HNRNPLL: variants seen among roughly 807,000 people sequenced by gnomAD.
The protein encoded by HNRNPLL is heterogeneous nuclear ribonucleoprotein L like, also known as heterogeneous nuclear ribonucleoprotein L-like.
A neutral mutation model predicts 67.1 loss-of-function variants in HNRNPLL; 25 were observed. The ratio of observed to expected loss-of-function variants is 0.37; its 90% CI spans 0.27 to 0.52. The LOEUF (loss-of-function observed/expected upper bound fraction) is 0.52, where lower values mean the gene tolerates loss of function less well. Ranked by LOEUF, HNRNPLL falls within the 20% of genes least tolerant of loss-of-function variation. The probability of loss-of-function intolerance (pLI) is 0.90; values close to 1 mark genes in which losing one functional copy is unlikely to be tolerated. For missense variants in HNRNPLL, 542 were observed against 673.9 expected, an observed-to-expected ratio of 0.80 and a Z score of 2.17; for synonymous variants, 267 against 241.7, an observed-to-expected ratio of 1.10 and a Z score of -0.97.
chr2:38,577,338 G>T, intron 7 of HNRNPLL, 123 bp downstream of exon 7: 1 of 664,696 alleles, frequency 1.5e-6, no homozygotes, highest in East Asian at 2.7e-5. Flanking sequence ...ACAAGGGACT[G>T]ATCCCATATA....
chr2:38,570,254 G>A (rs1235995724), intron 8 of HNRNPLL, among the ~76,000 whole-genome samples: 1 of 152,138 alleles, frequency 6.6e-6, no homozygotes, highest in Non-Finnish European at 1.5e-5. Flanking sequence ...GGCAGGACTC[G>A]TTAATATTTA....
chr2:38,591,437 T>C, intron 2 of HNRNPLL, 93 bp downstream of exon 2: 1 of 760,240 alleles, frequency 1.3e-6, no homozygotes, highest in Non-Finnish European at 2.4e-6. Flanking sequence ...ATACAAACAA[T>C]ATTTACTATG....
chr2:38,577,518 G>A lies in HNRNPLL; in HGVS notation c.817C>T (p.Arg273Cys), dbSNP rs769538008. The change falls in exon 7 of 13, where the codon CGC becomes TGC. Residue 273 changes from arginine (R) to cysteine (C), a missense_variant. By Grantham distance (180) the Arg-to-Cys change is radical (BLOSUM62 -3). Coordinates refer to ENST00000449105, the MANE Select transcript of HNRNPLL (RefSeq NM_138394.4). ...TCTCCCAAAATGGCTTGTCTCTGGC[G>A]ACCCTTTCCTCTATCTGACACAAAA... ...YLGRRDRGKGRQRQAILGEHP... is the reference protein window; with the variant it reads ...YLGRRDRGKGCQRQAILGEHP... 4 of 1,607,532 alleles carry A rather than the reference G, an allele frequency of 2.5e-6. No homozygotes were observed. The highest frequency in any genetic ancestry group is 2.2e-5 in the East Asian group (1 of 44,810).
chr2:38,568,021 A>G (rs1665938534), intron 12 of HNRNPLL, 178 bp downstream of exon 12: 2 of 514,608 alleles, frequency 3.9e-6, no homozygotes, highest in Non-Finnish European at 3.4e-6. Context: ...GCTAAATTTT[A>G]TGGCAATTTG....
chr2:38,598,038 T>A lies in HNRNPLL; in HGVS notation c.189+4400A>T, dbSNP rs570539704. 2.0e-5 allele frequency among the ~76,000 whole-genome samples: 3 copies of A among 151,924 alleles called. No individual in the cohort carries two copies. The South Asian group carries it at 6.2e-4, about 32-fold the overall frequency. ...ACTTTTTTTTTTTTTGCTCATGTAA[T>A]AGAAATCATTTGGTTTTGCCTACCC... On this transcript the variant is annotated intron_variant, in intron 1 of 12. Transcript: ENST00000449105.
At chr2:38,586,385 T>C (rs1195543529) in intron 2 of HNRNPLL, among the ~76,000 whole-genome samples, 1 of 152,194 alleles carries the variant, frequency 6.6e-6, no homozygotes, top group Non-Finnish European at 1.5e-5. Context: ...CTCCCAGTGA[T>C]AAGTTTATCT....
chr2:38,585,144 A>C (rs1666677209), intron 3 of HNRNPLL, among the ~76,000 whole-genome samples: 2 of 152,304 alleles, frequency 1.3e-5, no homozygotes, highest in South Asian at 4.1e-4. Context: ...CTAGTTCTGG[A>C]AACAAATCCT....
rs949961217 is a variant in HNRNPLL at position 38,588,393 on chromosome 2, T to C, written c.309-2512A>G. On this transcript the variant is annotated intron_variant, in intron 2 of 12. Coordinates refer to ENST00000449105, the MANE Select transcript of HNRNPLL (RefSeq NM_138394.4). ...TGAAACCCTGTCTCTACTAAAAATA[T>C]AAAAAATTAGCCAGGCACGGTGGCA... is the stretch of plus-strand genomic sequence containing the variant. Among the ~76,000 whole-genome samples the C allele has an allele frequency of 3.1e-4, 47 of 150,718 alleles. 1 individual carries two copies. The highest frequency in any genetic ancestry group is 2.2e-3 in the Admixed American group (33 of 15,102).
In HNRNPLL at chr2:38,573,200, A is replaced by G. The variant is rs1666163202; in HGVS notation, c.1092+10T>C. On this transcript the variant is annotated intron_variant, in intron 8 of 12. Coordinates refer to ENST00000449105, the MANE Select transcript of HNRNPLL (RefSeq NM_138394.4). Reference sequence around the variant, plus strand: ...CCTAGCAAAAGAAACCAATATAAAGAGAAACTTACCTTCTCAATATTTCCA... The same window carrying G: ...CCTAGCAAAAGAAACCAATATAAAGGGAAACTTACCTTCTCAATATTTCCA... 1.3e-6 allele frequency: 2 copies of G among 1,566,900 alleles called. No homozygotes were observed. The highest frequency in any genetic ancestry group is 1.7e-6 in the Non-Finnish European group (2 of 1,152,338).
intron 7 of HNRNPLL, among the ~76,000 whole-genome samples, chr2:38,574,127 G>C (rs1289217404): frequency 6.6e-6 from 1 of 151,828 alleles, no homozygotes; most frequent in Non-Finnish European, 1.5e-5. Flanking sequence ...CTCTTACATT[G>C]AGAATCCTCA....
intron 6 of HNRNPLL, among the ~76,000 whole-genome samples, chr2:38,578,692 C>G (rs1000615800): frequency 6.6e-6 from 1 of 151,966 alleles, no homozygotes; most frequent in Non-Finnish European, 1.5e-5. Context: ...TAAGTTGGGA[C>G]CATTTAGCTT....
Position 38,602,761 on chromosome 2 carries a change from G to T in HNRNPLL, c.-135C>A. The T allele has an allele frequency of 6.6e-7, 1 of 1,518,444 alleles. No homozygotes were observed. Among genetic ancestry groups the T allele is most frequent in the Admixed American group, 2.1e-5 (1 of 47,966 alleles). 94.1% of individuals were successfully genotyped at this position (1,518,444 alleles called of 1,614,324 possible). On this transcript the variant is annotated 5_prime_UTR_variant, in exon 1 of 13. Transcript: ENST00000449105. ...TCTCCGCGGCCCGGCCGTCCGCGGG[G>T]ACTGCGCGGCCAGGAGACTGGCGGC...
chr2:38,569,322 T>C lies in HNRNPLL; in HGVS notation c.1227A>G (p.Gln409=), dbSNP rs756114810. Residue 409 remains glutamine (Q), a synonymous_variant, in exon 10 of 13, where the codon CAA becomes CAG. Transcript: ENST00000449105. The stretch of plus-strand genomic sequence containing the variant: ...ATATTTGACTTGGAACAACTGAATG[T>C]TGTTTAGACACGCTAAAGATTGTAA... ...GKRLNVCVSK[Q]HSVVPSQIFE... 1 of 1,609,832 alleles carries C rather than the reference T, an allele frequency of 6.2e-7. No homozygotes were observed. The highest frequency in any genetic ancestry group is 8.5e-7 in the Non-Finnish European group (1 of 1,177,010).
Position 38,585,823 on chromosome 2 carries a change from T to C in HNRNPLL, c.367A>G (p.Ser123Gly). The change falls in exon 3 of 13, where the codon AGT (serine) becomes GGT (glycine). Residue 123 changes from serine to glycine, a missense_variant. Ser to Gly is a moderately conservative substitution (Grantham distance 56, BLOSUM62 0). Around this residue, in one of 2 missense-constraint regions of HNRNPLL, gnomAD observed 415 missense variants for 575.2 expected, o/e 0.72. Transcript: ENST00000449105. ...GCAAATGTCACACATTCTTTGGCAC[T>C]ATCTATGTTTTCAAATTCCACTAGA... ...QALVEFENID[S>G]AKECVTFAAD... 2.5e-6 allele frequency: 4 copies of C among 1,614,032 alleles called. No homozygotes were observed. Among genetic ancestry groups the C allele is most frequent in the Middle Eastern group, 1.6e-4 (1 of 6,062 alleles).
At chr2:38,576,836 G>T (rs1178549162) in intron 7 of HNRNPLL, among the ~76,000 whole-genome samples, 1 of 151,872 alleles carries the variant, frequency 6.6e-6, no homozygotes, top group African/African-American at 2.4e-5. Flanking sequence ...ACAATTTACA[G>T]CTAGTTAAAA....
At position 38,602,601 on chromosome 2, in the gene HNRNPLL, C is replaced by T. The variant is rs1238536810; in HGVS notation, c.26G>A (p.Arg9Lys). MSSSSSSP[R>K]ETYEEDREYE... The stretch of plus-strand genomic sequence containing the variant: ...CTCCCGGTCCTCCTCGTACGTCTCC[C>T]TGGGGGAGGAAGAGGAGGAGGACAT... The change falls in exon 1 of 13, where the codon AGG becomes AAG. Residue 9 changes from arginine to lysine, a missense_variant. Transcript: ENST00000449105. 2.6e-6 allele frequency: 4 copies of T among 1,563,328 alleles called. No individual in the cohort carries two copies. The highest frequency in any genetic ancestry group is 3.5e-6 in the Non-Finnish European group (4 of 1,157,720).
intron 1 of HNRNPLL, among the ~76,000 whole-genome samples, chr2:38,597,823 G>A (rs540225284): frequency 7.2e-5 from 11 of 152,134 alleles, no homozygotes; most frequent in South Asian, 2.1e-4. Flanking sequence ...GAGTAGCTGG[G>A]ATTACAGGCG....
chr2:38,582,350 C>T, intron 4 of HNRNPLL, among the ~76,000 whole-genome samples, 182 bp from the exon 5 acceptor site: 1 of 152,126 alleles, frequency 6.6e-6, no homozygotes, highest in Non-Finnish European at 1.5e-5. Flanking sequence ...GAGTCTTGCT[C>T]TATCACCAGG....
chr2:38,571,946 C>T (rs1039512613), intron 8 of HNRNPLL, among the ~76,000 whole-genome samples: 1 of 152,054 alleles, frequency 6.6e-6, no homozygotes, highest in African/African-American at 2.4e-5. Context: ...CATAGATCTA[C>T]TAAAGATGTT....
Sources: allele counts gnomAD v4.1 joint callset (sites outside exome capture counted in the v4.1 genomes callset), GRCh38; gene constraint gnomAD v4.1.1; regional missense constraint gnomAD v4.1.1; transcripts MANE v1.5; gene names NCBI Gene and HGNC (gene_info 2026-07-23, HGNC 2026-07-21).